TMEM132D: variants seen among roughly 807,000 people sequenced by gnomAD.
TMEM132D encodes the protein mature OL transmembrane protein.
A neutral mutation model predicts 62.3 loss-of-function variants in TMEM132D; 21 were observed. The observed-to-expected ratio is 0.34, with a 90% CI of 0.24 to 0.49. TMEM132D has a LOEUF of 0.49. Ranked by LOEUF, TMEM132D falls within the 20% of genes least tolerant of loss-of-function variation. The probability of loss-of-function intolerance (pLI) is 0.99; values close to 1 mark genes in which losing one functional copy is unlikely to be tolerated. For synonymous variants in TMEM132D, 621 were observed against 575.6 expected (o/e 1.08, Z -1.13); for missense variants, 1,346 against 1,402.8 (o/e 0.96, Z 0.65).
chr12:129,529,134 T>A (rs529195295), intron 3 of TMEM132D, among the ~76,000 whole-genome samples: 1 of 152,102 alleles, frequency 6.6e-6, no homozygotes, highest in Non-Finnish European at 1.5e-5. Context: ...AGGAAACATA[T>A]CCTGGCCTCC....
intron 5 of TMEM132D, among the ~76,000 whole-genome samples, chr12:129,149,108 T>C (rs532484121): frequency 1.3e-4 from 19 of 151,948 alleles, no homozygotes; most frequent in Middle Eastern, 3.4e-3. Context: ...ACCATCATTC[T>C]CAGCAAACTA....
At chr12:129,457,898 A>G (rs1299467694) in intron 3 of TMEM132D, among the ~76,000 whole-genome samples, 1 of 152,152 alleles carries the variant, frequency 6.6e-6, no homozygotes, top group Non-Finnish European at 1.5e-5. Context: ...ATTTGACATG[A>G]GATTGGGGTG....
intron 3 of TMEM132D, among the ~76,000 whole-genome samples, chr12:129,345,987 T>A (rs1295495415): frequency 6.6e-6 from 1 of 152,198 alleles, no homozygotes; most frequent in African/African-American, 2.4e-5. Flanking sequence ...CTTTTTCTGC[T>A]GTTTGGAATA....
intron 2 of TMEM132D, among the ~76,000 whole-genome samples, chr12:129,688,227 G>GGA (rs139167360): frequency 6.9e-4 from 105 of 152,020 alleles, no homozygotes; most frequent in African/African-American, 2.4e-3. Context: ...CAATCATACA[G>GGA]GAGAGAGAGA....
rs1879332529 is a variant in TMEM132D, at chr12:129,630,968, G to C, written c.968+68842C>G. Among the ~76,000 whole-genome samples the C allele has an allele frequency of 2.6e-5, 4 of 152,054 alleles. No homozygotes were observed. In the South Asian group the frequency reaches 8.3e-4, roughly 32 times the overall value. On this transcript the variant is annotated intron_variant, in intron 2 of 8. Transcript: ENST00000422113. ...GAGAACATAAGGTACTTGGCTTTCT[G>C]TTTCTGCATTAAGAAATGGAATCAA...
Position 129,333,681 on chromosome 12 carries a change from G to C in TMEM132D, c.1299+3953C>G, listed in dbSNP as rs183220841. 1.2e-4 allele frequency among the ~76,000 whole-genome samples: 19 copies of C among 152,274 alleles called. No homozygotes were observed. In the East Asian group the frequency reaches 2.9e-3, roughly 23 times the overall value. ...GTTGCATGCTTGCAGCTGGGCATCT[G>C]GCTCCTGGAATAGCTCACTCTCTCC... On this transcript the variant is annotated intron_variant, in intron 4 of 8. Transcript: ENST00000422113.
intron 3 of TMEM132D, among the ~76,000 whole-genome samples, chr12:129,345,861 G>A (rs751799765): frequency 1.9e-4 from 29 of 152,160 alleles, no homozygotes; most frequent in Admixed American, 5.9e-4. Flanking sequence ...GAGGATTTTC[G>A]CATCGATGTT....
chr12:129,444,018 C>T (rs945987226), intron 3 of TMEM132D, among the ~76,000 whole-genome samples: 3 of 152,160 alleles, frequency 2.0e-5, no homozygotes, highest in Non-Finnish European at 2.9e-5. Context: ...AAGGACTCCC[C>T]TTTCCCCAAT....
chr12:129,599,710 A>C (rs1178100774), intron 2 of TMEM132D, among the ~76,000 whole-genome samples: 2 of 152,214 alleles, frequency 1.3e-5, no homozygotes, highest in Non-Finnish European at 2.9e-5. Flanking sequence ...AGTGAGTCAC[A>C]CATTTTTTGG....
At chr12:129,369,558 G>A (rs931171377) in intron 3 of TMEM132D, among the ~76,000 whole-genome samples, 1 of 152,180 alleles carries the variant, frequency 6.6e-6, no homozygotes, top group Non-Finnish European at 1.5e-5. Flanking sequence ...CAGGAAGCTG[G>A]GTCTCATCAG....
intron 5 of TMEM132D, among the ~76,000 whole-genome samples, chr12:129,130,015 C>CTGTTTGTGTGTCTG (rs1555231634): frequency 1.4e-5 from 2 of 141,854 alleles, no homozygotes; most frequent in African/African-American, 5.3e-5. Flanking sequence ...AAGCTCTGCT[C>CTGTTTGTGTGTCTG]TGTGTGTGTG....
intron 5 of TMEM132D, among the ~76,000 whole-genome samples, chr12:129,194,749 T>C (rs10744403): frequency 0.86 from 130,441 of 152,186 alleles, 56,378 homozygotes; most frequent in Admixed American, 0.91. Context: ...CAGGAAAAAT[T>C]CACCGTGCAG....
chr12:129,455,485 G>A (rs996223782), intron 3 of TMEM132D, among the ~76,000 whole-genome samples: 2 of 152,146 alleles, frequency 1.3e-5, no homozygotes, highest in Non-Finnish European at 2.9e-5. Context: ...CGTATATAAC[G>A]TGATTATAAT....
chr12:129,292,619 G>T (rs1158310720), intron 4 of TMEM132D, among the ~76,000 whole-genome samples: 1 of 152,142 alleles, frequency 6.6e-6, no homozygotes, highest in South Asian at 2.1e-4. Flanking sequence ...ACCTATTATT[G>T]TTAATATAGA....
chr12:129,585,273 T>C (rs1035102302), intron 2 of TMEM132D, among the ~76,000 whole-genome samples: 1 of 152,176 alleles, frequency 6.6e-6, no homozygotes, highest in Non-Finnish European at 1.5e-5. Context: ...GTCATGCCCA[T>C]GTTCTACATA....
intron 2 of TMEM132D, among the ~76,000 whole-genome samples, chr12:129,554,155 G>A (rs1003156119): frequency 8.5e-5 from 13 of 152,078 alleles, no homozygotes; most frequent in African/African-American, 2.7e-4. Flanking sequence ...TGGTGCTCAC[G>A]GCTCACACTG....
rs1324795378 is a variant in TMEM132D at position 129,798,702 on chromosome 12, AGGGG to A, written c.80-98008_80-98005del. Reference sequence around the variant, plus strand: ...AGGGAATGAATGTGCAGAAGAGAGAAGGGGTGGAGGGAGATAAGACTGAGAAGGA... The same window carrying A: ...AGGGAATGAATGTGCAGAAGAGAGAATGGAGGGAGATAAGACTGAGAAGGA... On this transcript the variant is annotated intron_variant, in intron 1 of 8. Coordinates refer to ENST00000422113, the MANE Select transcript of TMEM132D (RefSeq NM_133448.3). Among the ~76,000 whole-genome samples the A allele has an allele frequency of 2.2e-5, 3 of 137,898 alleles. No individual in the cohort carries two copies. The East Asian group carries it at 6.4e-4, about 30-fold the overall frequency. The allele number at this position is 137,898 out of a possible 152,430, so 90.5% of individuals were successfully genotyped here. A position where few individuals can be genotyped will look rare whatever the true frequency, so the allele number is the denominator to read the frequency against.
chr12:129,148,278 G>T (rs1294506798), intron 5 of TMEM132D, among the ~76,000 whole-genome samples: 1 of 152,148 alleles, frequency 6.6e-6, no homozygotes, highest in Non-Finnish European at 1.5e-5. Flanking sequence ...GGCCCCCAAA[G>T]AGGTCTACGT....
At chr12:129,832,723 T>C (rs1256712279) in intron 1 of TMEM132D, among the ~76,000 whole-genome samples, 1 of 152,134 alleles carries the variant, frequency 6.6e-6, no homozygotes, top group Non-Finnish European at 1.5e-5. Flanking sequence ...ATTTGTTCCA[T>C]TCCGCCCGTC....
Sources: gnomAD v4.1 joint callset for allele counts (sites outside exome capture counted in the v4.1 genomes callset) on GRCh38, gnomAD v4.1.1 for gene constraint, MANE v1.5 for transcripts, NCBI Gene and HGNC (gene_info 2026-07-23, HGNC 2026-07-21) for gene names.